JMJD1C: variants seen among roughly 807,000 people sequenced by gnomAD.
JMJD1C encodes the protein jumonji domain-containing protein 1C.
JMJD1C carries 31 observed loss-of-function variants against 245.3 expected under a neutral mutation model. The ratio of observed to expected loss-of-function variants is 0.13; its 90% CI spans 0.09 to 0.17. The LOEUF (loss-of-function observed/expected upper bound fraction) is 0.17, where lower values mean the gene tolerates loss of function less well. JMJD1C is among the 10% of genes least tolerant of loss of function. JMJD1C has a pLI of 1.00. For synonymous variants in JMJD1C, 1,057 were observed against 1,017.4 expected (o/e 1.04, Z -0.74); for missense variants, 2,691 against 3,000.2 (o/e 0.90, Z 2.41).
Position 63,207,156 on chromosome 10 carries a change from T to G in JMJD1C, c.4513A>C (p.Asn1505His). Residue 1505 changes from asparagine to histidine, a missense_variant, in exon 10 of 26, where the codon AAT becomes CAT. Physicochemically the swap from Asn to His is moderately conservative, Grantham distance 68 (BLOSUM62 1). Coordinates refer to ENST00000399262, the MANE Select transcript of JMJD1C (RefSeq NM_032776.3). ...KSSNASETEP[N>H]AIKNQTLSAS... The stretch of plus-strand genomic sequence containing the variant: ...GAAAGTGTCTGATTTTTTATAGCAT[T>G]AGGTTCAGTCTCACTGGCATTACTA... The G allele has an allele frequency of 6.2e-7, 1 of 1,614,174 alleles. No homozygotes were observed. The highest frequency in any genetic ancestry group is 2.2e-5 in the East Asian group (1 of 44,876).
intron 2 of JMJD1C, among the ~76,000 whole-genome samples, chr10:63,293,022 CG>C (rs1858963496): frequency 6.6e-6 from 1 of 152,150 alleles, no homozygotes; most frequent in Non-Finnish European, 1.5e-5. Flanking sequence ...CCAGCCTAGG[CG>C]AGAGTGAGAC....
At chr10:63,405,970 C>A (rs1378258464) in intron 1 of JMJD1C, among the ~76,000 whole-genome samples, 4 of 152,066 alleles carry the variant, frequency 2.6e-5, no homozygotes, top group African/African-American at 7.2e-5. Flanking sequence ...CTTATAAGAA[C>A]GTTATCAGAA....
At chr10:63,413,528 T>C (rs952945615) in intron 1 of JMJD1C, among the ~76,000 whole-genome samples, 13 of 152,202 alleles carry the variant, frequency 8.5e-5, no homozygotes, top group African/African-American at 2.7e-4. Context: ...CTTAGATTTA[T>C]TCAGTAAAAT....
intron 2 of JMJD1C, among the ~76,000 whole-genome samples, chr10:63,373,737 A>T (rs1219001104): frequency 1.3e-5 from 2 of 152,194 alleles, no homozygotes; most frequent in African/African-American, 2.4e-5. Context: ...CAGATCCCTC[A>T]AATTTCTCAA....
At chr10:63,267,276 G>A (rs1251849693) in intron 2 of JMJD1C, among the ~76,000 whole-genome samples, 2 of 151,962 alleles carry the variant, frequency 1.3e-5, no homozygotes, top group Non-Finnish European at 2.9e-5. Flanking sequence ...AAAAATGAAA[G>A]GCAAACAACA....
intron 10 of JMJD1C, among the ~76,000 whole-genome samples, 186 bp downstream of exon 10, chr10:63,206,409 A>C (rs1199621382): frequency 6.6e-6 from 1 of 152,234 alleles, no homozygotes; most frequent in African/African-American, 2.4e-5. Context: ...GTGTTCTCTC[A>C]TTTCCTCTTA....
At chr10:63,415,120 CTT>C (rs1179271171) in intron 1 of JMJD1C, among the ~76,000 whole-genome samples, 5 of 152,102 alleles carry the variant, frequency 3.3e-5, no homozygotes, top group Non-Finnish European at 7.4e-5. Flanking sequence ...AACAGTATGA[CTT>C]TGTGTAAACA....
At chr10:63,361,699 C>T (rs1418496803) in intron 2 of JMJD1C, among the ~76,000 whole-genome samples, 1 of 73,910 alleles carries the variant, frequency 1.4e-5, no homozygotes, top group Admixed American at 2.0e-4. Flanking sequence ...GCCTGGGCAA[C>T]AGAACAATAC....
intron 1 of JMJD1C, among the ~76,000 whole-genome samples, chr10:63,472,207 TATA>T (rs1321581548): frequency 6.6e-6 from 1 of 151,656 alleles, no homozygotes; most frequent in Non-Finnish European, 1.5e-5. Flanking sequence ...ATATATTATA[TATA>T]ATAATTTCTT....
intron 1 of JMJD1C, among the ~76,000 whole-genome samples, chr10:63,446,529 G>A (rs901347667): frequency 6.6e-6 from 1 of 152,172 alleles, no homozygotes; most frequent in Admixed American, 6.5e-5. Flanking sequence ...AAGAACAAGA[G>A]CGTAGCTAGA....
rs1845045926 is a variant in JMJD1C, at chr10:63,193,160, G to A, written c.5863-9C>T. 6.3e-7 allele frequency: 1 copy of A among 1,598,894 alleles called. No homozygotes were observed. The highest frequency in any genetic ancestry group is 2.2e-5 in the East Asian group (1 of 44,794). On this transcript the variant is annotated splice_polypyrimidine_tract_variant and intron_variant, in intron 15 of 25. Coordinates refer to ENST00000399262, the MANE Select transcript of JMJD1C (RefSeq NM_032776.3). ...AGAACATTCTGTAAAACCTACAAAG[G>A]TAGAACAATTACATTTTTAAACACT...
chr10:63,202,639 A>G (rs1354587131), intron 10 of JMJD1C: 17 of 985,358 alleles, frequency 1.7e-5, no homozygotes, highest in Non-Finnish European at 2.0e-5. Flanking sequence ...TAGGGTAAGG[A>G]GCCATTTGGC....
intron 22 of JMJD1C, 57 bp downstream of exon 22, chr10:63,183,390 T>C (rs1589077618): frequency 1.4e-6 from 2 of 1,470,502 alleles, no homozygotes; most frequent in African/African-American, 1.4e-5. Context: ...TGGACAATAC[T>C]AGTGAATGTG....
intron 8 of JMJD1C, 128 bp from the exon 9 acceptor site, chr10:63,209,363 G>A (rs1045487191): frequency 8.5e-6 from 5 of 587,296 alleles, no homozygotes; most frequent in Admixed American, 4.1e-5. Context: ...AGTTTCTTTG[G>A]GAAACTTGTA....
chr10:63,513,286 T>C (rs1954924320), intron 1 of JMJD1C, among the ~76,000 whole-genome samples: 1 of 152,056 alleles, frequency 6.6e-6, no homozygotes, highest in Non-Finnish European at 1.5e-5. Flanking sequence ...ATGCCTACCT[T>C]TACCATATAC....
intron 3 of JMJD1C, among the ~76,000 whole-genome samples, chr10:63,238,196 G>GAAAAAA (rs1564660596): frequency 1.1e-5 from 1 of 92,770 alleles, no homozygotes; most frequent in Admixed American, 9.9e-5. Context: ...AAAAAAAAAA[G>GAAAAAA]AAAAAAAGGA....
intron 1 of JMJD1C, among the ~76,000 whole-genome samples, chr10:63,407,501 T>C (rs1211095563): frequency 6.6e-6 from 1 of 152,184 alleles, no homozygotes; most frequent in Non-Finnish European, 1.5e-5. Flanking sequence ...CCTATGGAAA[T>C]GAGCAGATCT....
chr10:63,244,264 G>A (rs115112109), intron 3 of JMJD1C, among the ~76,000 whole-genome samples: 129 of 152,232 alleles, frequency 8.5e-4, no homozygotes, highest in Non-Finnish European at 1.4e-3. Context: ...CGCACTACCA[G>A]GATATTCTCC....
At chr10:63,474,407 T>C (rs956925463) in intron 1 of JMJD1C, among the ~76,000 whole-genome samples, 1 of 152,090 alleles carries the variant, frequency 6.6e-6, no homozygotes, top group Non-Finnish European at 1.5e-5. Flanking sequence ...GAAGAAAATT[T>C]ATCAAAGGAT....
Sources: gnomAD v4.1 joint callset for allele counts (sites outside exome capture counted in the v4.1 genomes callset) on GRCh38, gnomAD v4.1.1 for gene constraint, MANE v1.5 for transcripts, NCBI Gene and HGNC (gene_info 2026-07-23, HGNC 2026-07-21) for gene names.